GABRA3: variants seen among roughly 807,000 people sequenced by gnomAD.
The protein encoded by GABRA3 is gamma-aminobutyric acid type A receptor subunit alpha3.
In GABRA3, 10 loss-of-function variants were observed where a neutral mutation model predicts 30.1. The observed-to-expected ratio is 0.33, with a 90% CI of 0.20 to 0.56. The LOEUF is 0.56. Ranked by LOEUF, GABRA3 falls within the 20% of genes least tolerant of loss-of-function variation. The pLI, the probability that GABRA3 is intolerant of heterozygous loss-of-function variation, is 0.89. For missense variants in GABRA3, 233 were observed against 392.0 expected (o/e 0.59, Z 3.42); for synonymous variants, 151 against 146.8 (o/e 1.03, Z -0.21).
chrX:152,317,257 A>G (rs1416193761), intron 3 of GABRA3, among the ~76,000 whole-genome samples: 3 of 111,929 alleles, frequency 2.7e-5, no homozygotes, highest in Admixed American at 9.5e-5. Flanking sequence ...GCCTTGTCCA[A>G]GAGTAAAATG....
intron 9 of GABRA3, among the ~76,000 whole-genome samples, chrX:152,180,021 A>G: frequency 8.9e-6 from 1 of 112,048 alleles, no homozygotes; most frequent in East Asian, 2.8e-4. Context: ...TGTAATTATT[A>G]TACAAGTACA....
intron 9 of GABRA3, among the ~76,000 whole-genome samples, chrX:152,185,273 C>G (rs763597008): frequency 1.3e-4 from 14 of 111,518 alleles, no homozygotes; most frequent in Admixed American, 1.2e-3. Context: ...ATCTTTTTTT[C>G]AATTCTCATA....
intron 1 of GABRA3, among the ~76,000 whole-genome samples, chrX:152,409,153 G>A (rs2124528489): frequency 9.0e-6 from 1 of 111,159 alleles, no homozygotes; most frequent in African/African-American, 3.3e-5. Context: ...TGGAGTTTGA[G>A]ACCAGCCTGG....
chrX:152,275,463 T>TATATTTA (rs1218852947), intron 4 of GABRA3, among the ~76,000 whole-genome samples: 1 of 106,014 alleles, frequency 9.4e-6, no homozygotes, highest in Non-Finnish European at 1.9e-5. Context: ...ATTTTAAATA[T>TATATTTA]CAAATAAATA....
chrX:152,209,170 C>A (rs1439949098), intron 6 of GABRA3, among the ~76,000 whole-genome samples: 1 of 112,286 alleles, frequency 8.9e-6, no homozygotes, highest in African/African-American at 3.2e-5. Context: ...CTACCTGACA[C>A]CTTTTCTTTT....
chrX:152,288,842 T>A (rs1036701418), intron 3 of GABRA3, among the ~76,000 whole-genome samples: 1 of 112,145 alleles, frequency 8.9e-6, no homozygotes, highest in African/African-American at 3.2e-5. Flanking sequence ...TGTTTACAGT[T>A]GCTGCTTGGC....
chrX:152,336,157 C>T (rs1940231508), intron 3 of GABRA3, among the ~76,000 whole-genome samples: 1 of 110,030 alleles, frequency 9.1e-6, no homozygotes, highest in Non-Finnish European at 1.9e-5. Context: ...CCACCACAGG[C>T]CTTTATTCTT....
chrX:152,167,451 G>A lies in GABRA3; in HGVS notation c.*777C>T, dbSNP rs765619626. On this transcript the variant is annotated 3_prime_UTR_variant, in exon 10 of 10. Transcript: ENST00000370314. ...TTTTTTCCTGAAAAGTTTACAGGTG[G>A]TAATGAGTCCAAATTAAGTAGTGCT... 1 of 111,959 alleles carries A rather than the reference G, an allele frequency of 8.9e-6. No homozygotes were observed. Among genetic ancestry groups the A allele is most frequent in the Non-Finnish European group, 1.9e-5 (1 of 53,199 alleles). The allele number at this position is 111,959 out of a possible 1,213,427, so 9.2% of individuals were successfully genotyped here.
At chrX:152,343,044 G>A (rs1402176771) in intron 3 of GABRA3, among the ~76,000 whole-genome samples, 1 of 111,462 alleles carries the variant, frequency 9.0e-6, no homozygotes, top group Non-Finnish European at 1.9e-5. Context: ...AACTTGTGAA[G>A]CACCCTCTAC....
At chrX:152,342,664 T>G (rs1180810487) in intron 3 of GABRA3, among the ~76,000 whole-genome samples, 3 of 111,933 alleles carry the variant, frequency 2.7e-5, no homozygotes, top group Admixed American at 1.9e-4. Flanking sequence ...TGAATTCCAC[T>G]TTGTCAGATA....
intron 3 of GABRA3, among the ~76,000 whole-genome samples, chrX:152,326,995 A>G (rs778541316): frequency 9.1e-6 from 1 of 109,423 alleles, no homozygotes; most frequent in South Asian, 4.1e-4. Context: ...CTCAAAATAA[A>G]GGGATGGAGA....
chrX:152,237,586 C>T (rs1413848008), intron 5 of GABRA3, among the ~76,000 whole-genome samples: 7 of 105,766 alleles, frequency 6.6e-5, no homozygotes, highest in African/African-American at 1.4e-4. Context: ...TTACCTTGGG[C>T]AGTATGGCCA....
chrX:152,314,918 T>C (rs1271898369), intron 3 of GABRA3, among the ~76,000 whole-genome samples: 2 of 111,660 alleles, frequency 1.8e-5, no homozygotes, highest in African/African-American at 6.5e-5. Flanking sequence ...TTAAGTACAA[T>C]GGTTGGCACA....
At chrX:152,234,109 G>C (rs937689554) in intron 5 of GABRA3, among the ~76,000 whole-genome samples, 2 of 105,749 alleles carry the variant, frequency 1.9e-5, no homozygotes, top group African/African-American at 3.5e-5. Flanking sequence ...TGAGGAGTTA[G>C]TGGGTGCAGT....
chrX:152,368,587 G>A (rs887650367), intron 1 of GABRA3, among the ~76,000 whole-genome samples: 6 of 110,494 alleles, frequency 5.4e-5, no homozygotes, highest in Admixed American at 9.7e-5. Flanking sequence ...TGTGAATAAC[G>A]CTGCATTAAC....
At chrX:152,316,290 C>T (rs760100896) in intron 3 of GABRA3, among the ~76,000 whole-genome samples, 6 of 110,723 alleles carry the variant, frequency 5.4e-5, no homozygotes, top group African/African-American at 2.0e-4. Flanking sequence ...TTTGAAATAA[C>T]CCAATCCAAC....
chrX:152,372,430 C>T (rs1184887437), intron 1 of GABRA3, among the ~76,000 whole-genome samples: 1 of 111,713 alleles, frequency 9.0e-6, no homozygotes, highest in African/African-American at 3.3e-5. Context: ...TCCCATATAT[C>T]TCTTTGCCTC....
At chrX:152,234,822 T>C (rs1938165614) in intron 5 of GABRA3, among the ~76,000 whole-genome samples, 1 of 111,975 alleles carries the variant, frequency 8.9e-6, no homozygotes. Context: ...TCTTTTCCAT[T>C]GATCAATTTG....
chrX:152,303,552 G>C (rs1376268578), intron 3 of GABRA3, among the ~76,000 whole-genome samples: 1 of 111,923 alleles, frequency 8.9e-6, no homozygotes, highest in Non-Finnish European at 1.9e-5. Flanking sequence ...GCAAGGACTT[G>C]TAACCAACCC....
Sources: gnomAD v4.1 joint callset for allele counts (sites outside exome capture counted in the v4.1 genomes callset) on GRCh38, gnomAD v4.1.1 for gene constraint, MANE v1.5 for transcripts, NCBI Gene and HGNC (gene_info 2026-07-23, HGNC 2026-07-21) for gene names.